The following ANKS1B variants were observed in gnomAD, a reference collection of about 807,000 sequenced individuals.
ANKS1B encodes ankyrin repeat and sterile alpha motif domain containing 1B, also known as ankyrin repeat and sterile alpha motif domain-containing protein 1B.
In ANKS1B, 36 loss-of-function variants were observed where a neutral mutation model predicts 148.3. The observed-to-expected ratio is 0.24, with a 90% CI of 0.19 to 0.32. The LOEUF is 0.32. ANKS1B is among the 10% of genes least tolerant of loss of function. The pLI, the probability that ANKS1B is intolerant of heterozygous loss-of-function variation, is 1.00. For missense variants in ANKS1B, 1,157 were observed against 1,542.6 expected (o/e 0.75, Z 4.19); for synonymous variants, 542 against 560.8 (o/e 0.97, Z 0.47).
At chr12:99,037,875 G>A (rs1193545917) in intron 17 of ANKS1B, among the ~76,000 whole-genome samples, 3 of 152,178 alleles carry the variant, frequency 2.0e-5, no homozygotes, top group African/African-American at 7.2e-5. Context: ...ACACAAGGAT[G>A]CTGTCTTAAG....
At chr12:99,522,959 G>A (rs550963813) in intron 9 of ANKS1B, among the ~76,000 whole-genome samples, 2 of 152,266 alleles carry the variant, frequency 1.3e-5, no homozygotes, top group South Asian at 2.1e-4. Flanking sequence ...TCTGACTTAC[G>A]AAAGATCTTA....
intron 4 of ANKS1B, among the ~76,000 whole-genome samples, chr12:99,796,003 A>G (rs1310791132): frequency 6.6e-6 from 1 of 152,032 alleles, no homozygotes; most frequent in African/African-American, 2.4e-5. Context: ...TAAGTCAAGA[A>G]CTTTCACCTT....
At chr12:99,619,501 T>G (rs1175666330) in intron 9 of ANKS1B, among the ~76,000 whole-genome samples, 1 of 151,874 alleles carries the variant, frequency 6.6e-6, no homozygotes, top group Non-Finnish European at 1.5e-5. Context: ...TTCACCTGGT[T>G]CAGCAGCCTG....
chr12:99,435,817 A>G (rs980176100), intron 11 of ANKS1B, among the ~76,000 whole-genome samples: 3 of 152,060 alleles, frequency 2.0e-5, no homozygotes, highest in Admixed American at 6.6e-5. Flanking sequence ...CAGGTTAAAA[A>G]TATTTGCCCT....
intron 1 of ANKS1B, among the ~76,000 whole-genome samples, chr12:99,851,456 G>C (rs1379741737): frequency 6.6e-6 from 1 of 152,002 alleles, no homozygotes; most frequent in Non-Finnish European, 1.5e-5. Flanking sequence ...TATGTCTACT[G>C]TTCCATTTCA....
intron 4 of ANKS1B, among the ~76,000 whole-genome samples, chr12:99,803,284 C>CCCG (rs57683762): frequency 1.6e-5 from 2 of 121,882 alleles, no homozygotes; most frequent in African/African-American, 3.0e-5. Flanking sequence ...CACCCCCCCC[C>CCCG]AAAAAAAAAG....
intron 8 of ANKS1B, among the ~76,000 whole-genome samples, chr12:99,694,216 A>C (rs2053560364): frequency 1.3e-5 from 2 of 150,674 alleles, no homozygotes; most frequent in South Asian, 4.3e-4. Flanking sequence ...TGGGCAGATC[A>C]CTGTGTGTGG....
At chr12:99,736,545 A>G (rs932355538) in intron 8 of ANKS1B, among the ~76,000 whole-genome samples, 5 of 152,210 alleles carry the variant, frequency 3.3e-5, no homozygotes, top group Admixed American at 6.5e-5. Context: ...CAAGGAGGTG[A>G]AAGACATCTA....
At chr12:99,481,001 T>A (rs2096401189) in intron 10 of ANKS1B, among the ~76,000 whole-genome samples, 1 of 151,726 alleles carries the variant, frequency 6.6e-6, no homozygotes, top group African/African-American at 2.4e-5. Flanking sequence ...ACTGATTTTT[T>A]TTTTTACTGT....
downstream of ANKS1B, among the ~76,000 whole-genome samples, chr12:98,741,774 C>T (rs1405627565): frequency 6.6e-6 from 1 of 152,210 alleles, no homozygotes; most frequent in Non-Finnish European, 1.5e-5. Context: ...TCAGCATGCA[C>T]TTTTGAGAAT....
chr12:99,844,926 T>C (rs966008005), intron 1 of ANKS1B, among the ~76,000 whole-genome samples: 3 of 152,198 alleles, frequency 2.0e-5, no homozygotes, highest in Non-Finnish European at 4.4e-5. Flanking sequence ...GGGTTTGTAG[T>C]TCTTTTTAAA....
rs1040144744 is a variant in ANKS1B at position 99,660,359 on chromosome 12, T to C, written c.1129-5149A>G. Among the ~76,000 whole-genome samples, 36 of 128,332 alleles carry C rather than the reference T, an allele frequency of 2.8e-4. 1 individual carries two copies. The East Asian group carries it at 7.8e-3, about 28-fold the overall frequency. 84.2% of individuals were successfully genotyped at this position (128,332 alleles called of 152,430 possible). A position where few individuals can be genotyped will look rare whatever the true frequency, so the allele number is the denominator to read the frequency against. ...TGCCTACCTTTATCTTTCTTTTTCT[T>C]TTTCTTTTTTTTTTTTTTTTTTGAG... On this transcript the variant is annotated intron_variant, in intron 8 of 26. Coordinates refer to ENST00000683438, the MANE Select transcript of ANKS1B (RefSeq NM_001352186.2).
intron 12 of ANKS1B, among the ~76,000 whole-genome samples, chr12:99,311,197 T>C (rs532985497): frequency 6.6e-6 from 1 of 152,242 alleles, no homozygotes; most frequent in South Asian, 2.1e-4. Context: ...CTCTTGCCAA[T>C]ATTAATCTAG....
intron 24 of ANKS1B, among the ~76,000 whole-genome samples, chr12:98,776,464 T>C (rs1486037315): frequency 2.0e-5 from 3 of 152,194 alleles, no homozygotes; most frequent in Admixed American, 2.0e-4. Context: ...TTCTTGGGGA[T>C]AGAAATTCTG....
At chr12:98,819,697 A>T (rs903240029) in intron 19 of ANKS1B, among the ~76,000 whole-genome samples, 4 of 152,284 alleles carry the variant, frequency 2.6e-5, no homozygotes, top group Non-Finnish European at 4.4e-5. Flanking sequence ...ATGGGACTAC[A>T]TACATTTTCT....
intron 9 of ANKS1B, among the ~76,000 whole-genome samples, chr12:99,593,068 T>C (rs746968507): frequency 6.6e-6 from 1 of 152,044 alleles, no homozygotes; most frequent in Non-Finnish European, 1.5e-5. Context: ...AGAGAACAGA[T>C]TGTAAGTGTT....
At chr12:98,872,005 T>G (rs73380493) in intron 17 of ANKS1B, among the ~76,000 whole-genome samples, 4,927 of 152,306 alleles carry the variant, frequency 0.032, 269 homozygotes, top group African/African-American at 0.11. Flanking sequence ...TAATAATATT[T>G]GGAATATTTG....
At chr12:99,810,752 T>A (rs1328916339) in intron 3 of ANKS1B, among the ~76,000 whole-genome samples, 1 of 152,010 alleles carries the variant, frequency 6.6e-6, no homozygotes, top group East Asian at 1.9e-4. Context: ...ATACTATATG[T>A]TATTTCTTAT....
chr12:99,810,419 TAA>T (rs1213806402), intron 3 of ANKS1B, among the ~76,000 whole-genome samples: 2 of 151,852 alleles, frequency 1.3e-5, no homozygotes, highest in Non-Finnish European at 2.9e-5. Context: ...AAGCTAAAAT[TAA>T]AAGTTATCTA....
Sources: gnomAD v4.1 joint callset for allele counts (sites outside exome capture counted in the v4.1 genomes callset) on GRCh38, gnomAD v4.1.1 for gene constraint, MANE v1.5 for transcripts, NCBI Gene and HGNC (gene_info 2026-07-23, HGNC 2026-07-21) for gene names.